FHL2: variants seen among roughly 807,000 people sequenced by gnomAD.
FHL2 encodes four and a half LIM domains protein 2.
In FHL2, 20 loss-of-function variants were observed where a neutral mutation model predicts 32.7. That is an observed-to-expected ratio of 0.61 (90% CI 0.43 to 0.89). FHL2 has a LOEUF of 0.89. FHL2 is among the 40% of genes least tolerant of loss of function. The pLI is 0.00. For missense variants in FHL2, 311 were observed against 358.6 expected, an observed-to-expected ratio of 0.87 and a Z score of 1.07; for synonymous variants, 123 against 128.1, an observed-to-expected ratio of 0.96 and a Z score of 0.27.
chr2:105,370,548 G>T (rs928291589), intron 4 of FHL2, among the ~76,000 whole-genome samples: 3 of 152,126 alleles, frequency 2.0e-5, no homozygotes, highest in African/African-American at 7.2e-5. Context: ...CCAGTTTCCT[G>T]ATTGGTCATC....
intron 2 of FHL2, among the ~76,000 whole-genome samples, chr2:105,393,061 G>T (rs1307175566): frequency 6.6e-6 from 1 of 151,594 alleles, no homozygotes; most frequent in African/African-American, 2.4e-5. Context: ...CCCTTGGCTT[G>T]CTGGCTCAGG....
chr2:105,366,065 T>C (rs1181065301), intron 5 of FHL2, among the ~76,000 whole-genome samples: 1 of 149,984 alleles, frequency 6.7e-6, no homozygotes, highest in African/African-American at 2.5e-5. Context: ...AAAAACCGGC[T>C]GGGCATGGTG....
At chr2:105,427,499 T>C (rs745380270) in intron 1 of FHL2, among the ~76,000 whole-genome samples, 7 of 152,100 alleles carry the variant, frequency 4.6e-5, no homozygotes, top group Admixed American at 1.3e-4. Flanking sequence ...TAGAACAATG[T>C]CACAAAAGAA....
intron 1 of FHL2, among the ~76,000 whole-genome samples, chr2:105,408,645 G>A (rs1683705613): frequency 6.6e-6 from 1 of 152,234 alleles, no homozygotes; most frequent in Admixed American, 6.5e-5. Flanking sequence ...CAGAACTAAT[G>A]GGGCAGACAG....
In FHL2 at chr2:105,417,553, G is replaced by A. The variant is rs1486494056; in HGVS notation, c.-25+20846C>T. ...CAGAAAATTAGCCAGGTGTGGCAGC[G>A]TGTGCCTGTAGTCCCAGCTACTCAG... is the stretch of plus-strand genomic sequence containing the variant. On this transcript the variant is annotated intron_variant, in intron 1 of 5. Coordinates refer to the FHL2 transcript ENST00000393352. 4.0e-5 allele frequency among the ~76,000 whole-genome samples: 6 copies of A among 150,240 alleles called. No homozygotes were observed. The East Asian group carries it at 5.9e-4, about 15-fold the overall frequency.
intron 1 of FHL2, among the ~76,000 whole-genome samples, chr2:105,413,670 A>G (rs1683858165): frequency 6.6e-6 from 1 of 152,028 alleles, no homozygotes; most frequent in African/African-American, 2.4e-5. Flanking sequence ...TATAGAGACA[A>G]GGTCTTGCTA....
rs544063891 is a variant in FHL2, at chr2:105,390,669, T to G, written c.-24-4129A>C. On this transcript the variant is annotated intron_variant, in intron 2 of 6. Coordinates refer to ENST00000530340, the MANE Select transcript of FHL2 (RefSeq NM_001318895.3). ...CCTGAAGGAGTTCCACACAGTTACATACTGCACAAGCCCTGAGCATCAGAA... is the reference window on the plus strand; with the variant it reads ...CCTGAAGGAGTTCCACACAGTTACAGACTGCACAAGCCCTGAGCATCAGAA... 6.4e-4 allele frequency among the ~76,000 whole-genome samples: 98 copies of G among 152,292 alleles called. 3 individuals carry two copies. The South Asian group carries it at 0.02, about 31-fold the overall frequency.
At chr2:105,366,346 A>G (rs1025982549) in intron 5 of FHL2, among the ~76,000 whole-genome samples, 1 of 152,204 alleles carries the variant, frequency 6.6e-6, no homozygotes, top group Non-Finnish European at 1.5e-5. Context: ...AGCATTGGGG[A>G]TGTTTCTCCA....
chr2:105,385,109 CT>C (rs913265239), intron 3 of FHL2, among the ~76,000 whole-genome samples: 2 of 152,186 alleles, frequency 1.3e-5, no homozygotes, highest in Non-Finnish European at 2.9e-5. Flanking sequence ...AGTTTCGTTT[CT>C]TTTACATTCA....
intron 3 of FHL2, among the ~76,000 whole-genome samples, chr2:105,377,185 T>C (rs1681531717): frequency 1.3e-5 from 2 of 152,130 alleles, no homozygotes; most frequent in African/African-American, 4.8e-5. Flanking sequence ...ATGGGCTTGA[T>C]GGGGGTAGTA....
chr2:105,385,426 G>A (rs1244948742), intron 3 of FHL2, among the ~76,000 whole-genome samples: 2 of 152,168 alleles, frequency 1.3e-5, no homozygotes, highest in African/African-American at 2.4e-5. Context: ...TGATATTAAC[G>A]ACCAGGGAGG....
intron 1 of FHL2, among the ~76,000 whole-genome samples, chr2:105,409,910 A>G (rs1292557081): frequency 6.6e-6 from 1 of 151,948 alleles, no homozygotes; most frequent in Non-Finnish European, 1.5e-5. Flanking sequence ...TCATGCCTGG[A>G]CTCCCACACG....
chr2:105,399,459 T>G (rs1291675727), upstream of FHL2: 1 of 1,536,190 alleles, frequency 6.5e-7, no homozygotes, highest in Non-Finnish European at 8.7e-7. Flanking sequence ...TCAGGAGGCA[T>G]GTGCCTGGGA....
intron 2 of FHL2, among the ~76,000 whole-genome samples, chr2:105,392,986 ATT>A (rs35719774): frequency 3.9e-4 from 56 of 141,856 alleles, no homozygotes; most frequent in South Asian, 9.1e-4. Flanking sequence ...CACCCAGCTA[ATT>A]TTTTTTTTTT....
chr2:105,366,547 G>A (rs1482497440), intron 5 of FHL2, among the ~76,000 whole-genome samples: 2 of 152,172 alleles, frequency 1.3e-5, no homozygotes, highest in African/African-American at 4.8e-5. Context: ...GACGCTGGAA[G>A]CTATAGCATA....
intron 5 of FHL2, among the ~76,000 whole-genome samples, chr2:105,365,538 T>G (rs1680568039): frequency 6.6e-6 from 1 of 151,118 alleles, no homozygotes; most frequent in African/African-American, 2.4e-5. Flanking sequence ...CAAACCAAAA[T>G]AAAAATAAAA....
intron 2 of FHL2, among the ~76,000 whole-genome samples, chr2:105,389,451 C>T (rs1682559572): frequency 6.6e-6 from 1 of 152,140 alleles, no homozygotes; most frequent in South Asian, 2.1e-4. Flanking sequence ...AGCTGTGGGA[C>T]AAGAGGCTCA....
At chr2:105,381,276 A>G (rs1681865692) in intron 3 of FHL2, among the ~76,000 whole-genome samples, 2 of 152,174 alleles carry the variant, frequency 1.3e-5, no homozygotes, top group African/African-American at 4.8e-5. Context: ...ATCCTTACAA[A>G]TAAAGATGCA....
At chr2:105,403,845 A>C (rs1683547548), upstream of FHL2, among the ~76,000 whole-genome samples, 2 of 152,340 alleles carry the variant, frequency 1.3e-5, no homozygotes, top group South Asian at 4.1e-4. Flanking sequence ...CAGTTACTTC[A>C]CTCAGGGAAG....
Sources: allele counts gnomAD v4.1 joint callset (sites outside exome capture counted in the v4.1 genomes callset), GRCh38; gene constraint gnomAD v4.1.1; transcripts MANE v1.5; gene names NCBI Gene and HGNC (gene_info 2026-07-23, HGNC 2026-07-21).